The following SIPA1L1 variants were observed in gnomAD, a reference collection of about 807,000 sequenced individuals.
SIPA1L1 encodes signal-induced proliferation-associated 1-like protein 1.
In SIPA1L1, 26 loss-of-function variants were observed where a neutral mutation model predicts 162.7. That is an observed-to-expected ratio of 0.16 (90% CI 0.12 to 0.22). The LOEUF is 0.22. Ranked by LOEUF, SIPA1L1 falls within the 10% of genes least tolerant of loss-of-function variation. The pLI is 1.00. For synonymous variants in SIPA1L1, 829 were observed against 837.4 expected, an observed-to-expected ratio of 0.99 and a Z score of 0.17; for missense variants, 1,874 against 2,241.0, an observed-to-expected ratio of 0.84 and a Z score of 3.31.
chr14:71,546,016 G>A (rs1373582931), intron 4 of SIPA1L1, among the ~76,000 whole-genome samples: 1 of 152,034 alleles, frequency 6.6e-6, no homozygotes, highest in African/African-American at 2.4e-5. Flanking sequence ...CCAGGAGTTC[G>A]AGGCTGCAGT....
At chr14:71,463,617 T>C (rs1377239041) in intron 2 of SIPA1L1, among the ~76,000 whole-genome samples, 2 of 152,176 alleles carry the variant, frequency 1.3e-5, no homozygotes, top group Non-Finnish European at 2.9e-5. Flanking sequence ...GGTAATGTAG[T>C]GGGATCCTTC....
chr14:71,323,586 T>C (rs753937683), intron 2 of SIPA1L1, among the ~76,000 whole-genome samples: 2 of 152,228 alleles, frequency 1.3e-5, no homozygotes, highest in Non-Finnish European at 2.9e-5. Flanking sequence ...GGAAGACAAA[T>C]AGACTCATTC....
intron 2 of SIPA1L1, among the ~76,000 whole-genome samples, chr14:71,496,009 G>T (rs893491460): frequency 8.1e-5 from 12 of 148,788 alleles, no homozygotes; most frequent in African/African-American, 3.0e-4. Flanking sequence ...GCTTGAGACT[G>T]CTGTAGTTAG....
chr14:71,681,632 G>A (rs1270362167), intron 12 of SIPA1L1, among the ~76,000 whole-genome samples: 1 of 152,118 alleles, frequency 6.6e-6, no homozygotes, highest in African/African-American at 2.4e-5. Flanking sequence ...TTTCAGAGGA[G>A]GAGTTTTGAT....
At chr14:71,331,237 A>G (rs77254052) in intron 2 of SIPA1L1, among the ~76,000 whole-genome samples, 1,773 of 152,246 alleles carry the variant, frequency 0.012, 18 homozygotes, top group East Asian at 0.021. Context: ...TGGGCTGTCT[A>G]TTCTATTCTA....
chr14:71,337,650 G>A (rs1028225491), intron 2 of SIPA1L1, among the ~76,000 whole-genome samples: 5 of 152,288 alleles, frequency 3.3e-5, no homozygotes, highest in African/African-American at 4.8e-5. Context: ...CCCATGACAC[G>A]TGGGAATTAT....
chr14:71,490,394 G>A (rs1161414385), intron 2 of SIPA1L1, among the ~76,000 whole-genome samples: 1 of 152,110 alleles, frequency 6.6e-6, no homozygotes, highest in Non-Finnish European at 1.5e-5. Context: ...AATGGTGTCA[G>A]TGCTTAACAT....
At chr14:71,401,219 T>C (rs2041646306) in intron 2 of SIPA1L1, among the ~76,000 whole-genome samples, 2 of 152,226 alleles carry the variant, frequency 1.3e-5, no homozygotes, top group South Asian at 4.1e-4. Context: ...TCACTAAAAC[T>C]GATGTTTTTC....
intron 2 of SIPA1L1, among the ~76,000 whole-genome samples, chr14:71,413,428 G>C (rs1249789533): frequency 6.6e-6 from 1 of 152,182 alleles, no homozygotes; most frequent in Non-Finnish European, 1.5e-5. Flanking sequence ...CTGTTGGTTG[G>C]CTTAAATTTA....
rs60772763 is a variant in SIPA1L1 at position 71,325,783 on chromosome 14, T to C, written c.-465+4602T>C. ...GTCTGGGATGAGAAATTTCAACCTG[T>C]AGATTTCCAATTTGTTGCTTGTCAT... is the stretch of plus-strand genomic sequence containing the variant. On this transcript the variant is annotated intron_variant, in intron 2 of 23. Transcript: ENST00000381232. Among the ~76,000 whole-genome samples, 623 of 152,260 alleles carry C rather than the reference T, an allele frequency of 4.1e-3. 6 individuals are homozygous for C. The highest frequency in any genetic ancestry group is 0.014 in the African/African-American group (593 of 41,532).
At chr14:71,544,199 A>ACG (rs1255524897) in intron 4 of SIPA1L1, among the ~76,000 whole-genome samples, 1 of 145,578 alleles carries the variant, frequency 6.9e-6, no homozygotes, top group East Asian at 1.9e-4. Context: ...ATACATATGC[A>ACG]TGTATGCACA....
At chr14:71,620,132 C>T (rs184462185) in intron 6 of SIPA1L1, among the ~76,000 whole-genome samples, 5 of 152,316 alleles carry the variant, frequency 3.3e-5, no homozygotes, top group East Asian at 3.9e-4. Context: ...TGCAATGGCG[C>T]GATCTTGGCT....
rs757716809 is a variant in SIPA1L1 at position 71,661,298 on chromosome 14, T to C, written c.2098-12T>C. 22 of 1,610,682 alleles carry C rather than the reference T, an allele frequency of 1.4e-5. No homozygotes were observed. The highest frequency in any genetic ancestry group is 1.7e-5 in the Non-Finnish European group (20 of 1,177,990). On this transcript the variant is annotated splice_polypyrimidine_tract_variant and intron_variant, in intron 9 of 23. Transcript: ENST00000381232. The stretch of plus-strand genomic sequence containing the variant: ...ATTGTTATTTATGTTGGTTGCTTAT[T>C]TTTTCTTGTAGCTCCTGAGGAAGCG...
At chr14:71,692,849 C>T (rs982019244) in intron 13 of SIPA1L1, among the ~76,000 whole-genome samples, 3 of 152,170 alleles carry the variant, frequency 2.0e-5, no homozygotes, top group African/African-American at 4.8e-5. Flanking sequence ...TTAGTGTGAC[C>T]TGCCTGGAAA....
intron 7 of SIPA1L1, among the ~76,000 whole-genome samples, chr14:71,628,112 C>A (rs897710314): frequency 6.6e-6 from 1 of 151,952 alleles, no homozygotes; most frequent in Non-Finnish European, 1.5e-5. Flanking sequence ...TAATGAGACC[C>A]CCGTCTCTAA....
At chr14:71,560,343 A>G (rs1338568459) in intron 4 of SIPA1L1, among the ~76,000 whole-genome samples, 3 of 152,190 alleles carry the variant, frequency 2.0e-5, no homozygotes, top group Admixed American at 1.3e-4. Context: ...TGATGCCACA[A>G]GAGACCCTGG....
intron 5 of SIPA1L1, among the ~76,000 whole-genome samples, chr14:71,604,836 T>C (rs541733230): frequency 6.6e-6 from 1 of 152,320 alleles, no homozygotes; most frequent in Non-Finnish European, 1.5e-5. Flanking sequence ...TGGCTTTTGA[T>C]GGTTTGACCA....
intron 2 of SIPA1L1, among the ~76,000 whole-genome samples, chr14:71,476,595 TG>T (rs1378944190): frequency 3.3e-5 from 5 of 152,282 alleles, no homozygotes; most frequent in Admixed American, 1.3e-4. Flanking sequence ...GGTATTTTTA[TG>T]TTTTTTTAAA....
chr14:71,500,610 A>G (rs1298660241), intron 2 of SIPA1L1, among the ~76,000 whole-genome samples: 1 of 152,196 alleles, frequency 6.6e-6, no homozygotes, highest in African/African-American at 2.4e-5. Context: ...GTACAGATAC[A>G]ATGGAAACAC....
Sources: gnomAD v4.1 joint callset for allele counts (sites outside exome capture counted in the v4.1 genomes callset) on GRCh38, gnomAD v4.1.1 for gene constraint, MANE v1.5 for transcripts, NCBI Gene and HGNC (gene_info 2026-07-23, HGNC 2026-07-21) for gene names.